Variants in NEIL3 observed in about 807,000 individuals in gnomAD.
NEIL3 encodes nei like DNA glycosylase 3.
A neutral mutation model predicts 57.5 loss-of-function variants in NEIL3; 48 were observed. The ratio of observed to expected loss-of-function variants is 0.83; its 90% CI spans 0.66 to 1.06. The LOEUF (loss-of-function observed/expected upper bound fraction) is 1.06. Among genes scored for constraint, NEIL3 ranks in the 50% least tolerant of loss-of-function variants. The pLI is 0.00. For missense variants in NEIL3, 717 were observed against 739.1 expected (o/e 0.97, Z 0.35); for synonymous variants, 261 against 253.2 (o/e 1.03, Z -0.29).
intron 4 of NEIL3, among the ~76,000 whole-genome samples, chr4:177,339,541 A>T (rs1246692963): frequency 6.6e-6 from 1 of 152,170 alleles, no homozygotes; most frequent in African/African-American, 2.4e-5. Flanking sequence ...GCTCCTCATC[A>T]TCATTACATT....
At chr4:177,371,259 CT>C in the NEIL3 span, among the ~76,000 whole-genome samples, 1 of 152,158 alleles carries the variant, frequency 6.6e-6, no homozygotes, top group Non-Finnish European at 1.5e-5. Flanking sequence ...AAATACTTGC[CT>C]GCTTGTAATA....
intron 6 of NEIL3, among the ~76,000 whole-genome samples, chr4:177,347,296 C>T (rs60796872): frequency 0.16 from 23,791 of 151,950 alleles, 2,054 homozygotes; most frequent in Non-Finnish European, 0.2. Context: ...TATGACTGAA[C>T]CAAGCAGAGG....
Position 177,360,502 on chromosome 4 carries a change from G to A in NEIL3, c.1461-1G>A. The A allele has an allele frequency of 6.2e-7, 1 of 1,612,614 alleles. No homozygotes were observed. The highest frequency in any genetic ancestry group is 8.5e-7 in the Non-Finnish European group (1 of 1,179,034). ...ACTTATTTTGTAACCTGTCATTACA[G>A]TGAACTTCAAATTAATATGACAGAT... is the stretch of plus-strand genomic sequence containing the variant. On this transcript the variant is annotated splice_acceptor_variant, in intron 8 of 9. Transcript: ENST00000264596. LOFTEE classifies it high-confidence loss of function.
At chr4:177,313,330 A>C (rs756006696) in intron 1 of NEIL3, among the ~76,000 whole-genome samples, 7 of 152,174 alleles carry the variant, frequency 4.6e-5, no homozygotes, top group Non-Finnish European at 7.4e-5. Context: ...TAGAGAACAC[A>C]CTTGAATGCA....
At chr4:177,327,262 G>C (rs1734799959) in intron 2 of NEIL3, among the ~76,000 whole-genome samples, 1 of 152,160 alleles carries the variant, frequency 6.6e-6, no homozygotes, top group Admixed American at 6.6e-5. Context: ...TCTCAGGGAA[G>C]TTCTTTACAG....
At chr4:177,330,958 G>T (rs1050480116) in intron 2 of NEIL3, among the ~76,000 whole-genome samples, 1 of 152,054 alleles carries the variant, frequency 6.6e-6, no homozygotes, top group African/African-American at 2.4e-5. Context: ...ACACTATGAG[G>T]AATGACAAAG....
Position 177,336,223 on chromosome 4 carries a change from C to T in NEIL3, c.529C>T (p.Leu177=). 6.2e-7 allele frequency: 1 copy of T among 1,614,106 alleles called. No homozygotes were observed. The highest frequency in any genetic ancestry group is 8.5e-7 in the Non-Finnish European group (1 of 1,179,948). The part of the protein sequence containing the change: ...SEVKKQKGRM[L]GDVLMDQNVL... ...AGTTAAAAAACAGAAAGGCCGGATGCTAGGTGATGTGCTAATGGATCAGAA... is the reference window on the plus strand; with the variant it reads ...AGTTAAAAAACAGAAAGGCCGGATGTTAGGTGATGTGCTAATGGATCAGAA... The change falls in exon 4 of 10, where the codon CTA becomes TTA. Residue 177 remains leucine, a synonymous_variant. Transcript: ENST00000264596.
At position 177,339,754 on chromosome 4, in the gene NEIL3, CT is replaced by C. The variant is rs777488321; in HGVS notation, c.628-28del. ...TTACAGTAATGAGCAAGTCATGAAACTAGGCTCTGCTGTTTTTTCCACTTCA... is the reference window on the plus strand; with the variant it reads ...TTACAGTAATGAGCAAGTCATGAAACAGGCTCTGCTGTTTTTTCCACTTCA... On this transcript the variant is annotated intron_variant, in intron 4 of 9. Coordinates refer to ENST00000264596, the MANE Select transcript of NEIL3 (RefSeq NM_018248.3). 18 of 1,492,128 alleles carry C rather than the reference CT, an allele frequency of 1.2e-5. No homozygotes were observed. The South Asian group carries it at 2.0e-4, about 17-fold the overall frequency. The allele number at this position is 1,492,128 out of a possible 1,614,324, so 92.4% of individuals were successfully genotyped here.
downstream of NEIL3, among the ~76,000 whole-genome samples, chr4:177,365,259 G>A (rs1735678579): frequency 6.6e-6 from 1 of 152,156 alleles, no homozygotes; most frequent in Non-Finnish European, 1.5e-5. Flanking sequence ...GTGTGAGCAT[G>A]TGAGTGTGAG....
At chr4:177,354,712 C>T (rs1261418268) in intron 8 of NEIL3, among the ~76,000 whole-genome samples, 2 of 152,034 alleles carry the variant, frequency 1.3e-5, no homozygotes, top group Non-Finnish European at 2.9e-5. Context: ...GAACTCCTGA[C>T]CTCAGGTGAT....
At chr4:177,332,714 C>G (rs1003983128) in intron 2 of NEIL3, among the ~76,000 whole-genome samples, 5 of 152,118 alleles carry the variant, frequency 3.3e-5, no homozygotes, top group Non-Finnish European at 7.3e-5. Flanking sequence ...AACTGTTACA[C>G]CAGCCCACAT....
intron 8 of NEIL3, 37 bp downstream of exon 8, chr4:177,353,765 C>CTTTTT: frequency 8.2e-7 from 1 of 1,214,654 alleles, no homozygotes; most frequent in South Asian, 1.4e-5. Context: ...AAGATAATTG[C>CTTTTT]TTTTTTTTTT....
chr4:177,335,568 A>G, intron 2 of NEIL3, 120 bp from the exon 3 acceptor site: 1 of 766,586 alleles, frequency 1.3e-6, no homozygotes, highest in South Asian at 2.1e-5. Context: ...GCCCTTTAAA[A>G]GTGTCTATCC....
At chr4:177,316,843 C>T (rs760839973) in intron 1 of NEIL3, among the ~76,000 whole-genome samples, 11 of 152,066 alleles carry the variant, frequency 7.2e-5, no homozygotes, top group Non-Finnish European at 1.3e-4. Flanking sequence ...AAATACTATG[C>T]GAAATTTGGC....
At chr4:177,338,009 CTCTG>C (rs1489830467) in intron 4 of NEIL3, among the ~76,000 whole-genome samples, 2 of 132,104 alleles carry the variant, frequency 1.5e-5, no homozygotes, top group Non-Finnish European at 3.2e-5. Flanking sequence ...CAGAGCGAGA[CTCTG>C]TCTCTCTCTC....
chr4:177,361,945 G>A (rs928175459), intron 9 of NEIL3, among the ~76,000 whole-genome samples: 7 of 152,038 alleles, frequency 4.6e-5, no homozygotes, highest in Non-Finnish European at 1.0e-4. Context: ...AGGTTTAACT[G>A]AAACAGACCT....
At chr4:177,323,362 T>G (rs1734723413) in intron 2 of NEIL3, among the ~76,000 whole-genome samples, 1 of 152,330 alleles carries the variant, frequency 6.6e-6, no homozygotes, top group South Asian at 2.1e-4. Context: ...TATCACCTTT[T>G]TCTTAAAAGA....
intron 9 of NEIL3, among the ~76,000 whole-genome samples, chr4:177,361,574 CT>C (rs1289453186): frequency 6.6e-6 from 1 of 152,074 alleles, no homozygotes; most frequent in African/African-American, 2.4e-5. Context: ...CCTCAAGAAG[CT>C]TTTATAGATG....
intron 2 of NEIL3, among the ~76,000 whole-genome samples, chr4:177,334,144 A>T (rs868325918): frequency 0.012 from 1,327 of 111,280 alleles, 18 homozygotes; most frequent in African/African-American, 0.042. Flanking sequence ...TCCTGGTTTA[A>T]AAAAAAAAAA....
Sources: gnomAD v4.1 joint callset for allele counts (sites outside exome capture counted in the v4.1 genomes callset) on GRCh38, gnomAD v4.1.1 for gene constraint, MANE v1.5 for transcripts, NCBI Gene and HGNC (gene_info 2026-07-23, HGNC 2026-07-21) for gene names.